Variants in SLC4A10 observed in about 807,000 individuals in gnomAD.
SLC4A10 encodes the protein sodium-driven chloride bicarbonate exchanger.
Under a neutral mutation model 137.7 loss-of-function variants are expected in SLC4A10, and 42 were observed. The ratio of observed to expected loss-of-function variants is 0.30; its 90% CI spans 0.24 to 0.39. SLC4A10 has a LOEUF of 0.39. Ranked by LOEUF, SLC4A10 falls within the 10% of genes least tolerant of loss-of-function variation. SLC4A10 has a pLI of 1.00. For synonymous variants in SLC4A10, 474 were observed against 464.1 expected, an observed-to-expected ratio of 1.02 and a Z score of -0.27; for missense variants, 925 against 1,355.0, an observed-to-expected ratio of 0.68 and a Z score of 4.98.
intron 1 of SLC4A10, among the ~76,000 whole-genome samples, chr2:161,740,629 C>T (rs921279284): frequency 4.6e-5 from 7 of 152,126 alleles, no homozygotes; most frequent in African/African-American, 1.7e-4. Context: ...AAGCTTAGGC[C>T]TAGGCTCCAC....
chr2:161,870,468 A>G (rs1215389888), intron 6 of SLC4A10, among the ~76,000 whole-genome samples: 1 of 151,794 alleles, frequency 6.6e-6, no homozygotes, highest in South Asian at 2.1e-4. Context: ...GAAAGCAGAT[A>G]TGTGTTTATT....
intron 15 of SLC4A10, among the ~76,000 whole-genome samples, chr2:161,933,345 C>T (rs779621664): frequency 3.3e-5 from 4 of 122,006 alleles, no homozygotes; most frequent in Admixed American, 3.2e-4. Flanking sequence ...TCTTTCTATT[C>T]TTTTCTTTCT....
At chr2:161,654,589 G>C (rs1301250908) in intron 1 of SLC4A10, among the ~76,000 whole-genome samples, 9 of 152,022 alleles carry the variant, frequency 5.9e-5, no homozygotes, top group Non-Finnish European at 8.8e-5. Context: ...TCATTCTTTT[G>C]TATGTGAATA....
chr2:161,697,374 C>T (rs973683055), intron 1 of SLC4A10, among the ~76,000 whole-genome samples: 2 of 152,028 alleles, frequency 1.3e-5, no homozygotes, highest in African/African-American at 4.8e-5. Flanking sequence ...ACATGAAGTC[C>T]TTGCCCATGC....
chr2:161,829,769 T>C (rs994783502), intron 3 of SLC4A10, among the ~76,000 whole-genome samples: 1 of 152,076 alleles, frequency 6.6e-6, no homozygotes, highest in Admixed American at 6.6e-5. Context: ...GAAAAAGAGG[T>C]TGAATGGATC....
In SLC4A10 at chr2:161,774,969, A is replaced by C. The variant is rs768443503; in HGVS notation, c.130+3915A>C. Among the ~76,000 whole-genome samples, 53 of 151,880 alleles carry C rather than the reference A, an allele frequency of 3.5e-4. 1 individual carries two copies. Among genetic ancestry groups the C allele is most frequent in the Non-Finnish European group, 5.9e-5 (4 of 67,896 alleles). On this transcript the variant is annotated intron_variant, in intron 2 of 26. Transcript: ENST00000446997. ...AGTTGGCAGGAGCACCACATTGGTT[A>C]TTTAGCTTGTGGAGTTAAGAACTAT...
intron 1 of SLC4A10, among the ~76,000 whole-genome samples, chr2:161,745,639 T>G (rs1043140873): frequency 6.6e-6 from 1 of 152,180 alleles, no homozygotes; most frequent in South Asian, 2.1e-4. Flanking sequence ...TATTGATGTC[T>G]GGGTGTCGAA....
At chr2:161,742,444 T>C (rs1465382665) in intron 1 of SLC4A10, among the ~76,000 whole-genome samples, 6 of 142,686 alleles carry the variant, frequency 4.2e-5, no homozygotes, top group Admixed American at 3.5e-4. Flanking sequence ...TCTTTCTTTT[T>C]TTTTTTTTTT....
At chr2:161,947,091 T>C (rs556550034) in intron 16 of SLC4A10, among the ~76,000 whole-genome samples, 1 of 152,230 alleles carries the variant, frequency 6.6e-6, no homozygotes, top group South Asian at 2.1e-4. Flanking sequence ...AACAAATTAT[T>C]TAACCCCTTT....
chr2:161,967,147 C>T (rs922612176), intron 23 of SLC4A10, among the ~76,000 whole-genome samples: 2 of 152,106 alleles, frequency 1.3e-5, no homozygotes, highest in African/African-American at 4.8e-5. Context: ...TTTGCACATT[C>T]TCCTCATATC....
rs1482932782 is a variant in SLC4A10, at chr2:161,730,272, TATC to T, written c.49-40696_49-40694del. Reference sequence around the variant, plus strand: ...CAGTATTATCTTCAAATATTTAAAATATCATCAAACAGAGGAAGGACTAGAATT... The same window carrying T: ...CAGTATTATCTTCAAATATTTAAAATATCAAACAGAGGAAGGACTAGAATT... On this transcript the variant is annotated intron_variant, in intron 1 of 26. Transcript: ENST00000446997. Among the ~76,000 whole-genome samples the T allele has an allele frequency of 2.6e-5, 4 of 152,110 alleles. No homozygotes were observed. In the East Asian group the frequency reaches 5.8e-4, roughly 22 times the overall value.
intron 1 of SLC4A10, among the ~76,000 whole-genome samples, chr2:161,729,483 T>C (rs1452731478): frequency 6.6e-6 from 1 of 152,152 alleles, no homozygotes; most frequent in East Asian, 1.9e-4. Context: ...TCTATACATG[T>C]GATAAAACTT....
At chr2:161,896,988 T>C (rs1431613729) in intron 11 of SLC4A10, among the ~76,000 whole-genome samples, 4 of 152,078 alleles carry the variant, frequency 2.6e-5, no homozygotes, top group African/African-American at 9.7e-5. Flanking sequence ...TGGCAAGCAT[T>C]AGGAAAATTC....
At chr2:161,736,819 T>C (rs1376121930) in intron 1 of SLC4A10, among the ~76,000 whole-genome samples, 1 of 152,060 alleles carries the variant, frequency 6.6e-6, no homozygotes, top group Non-Finnish European at 1.5e-5. Flanking sequence ...CTCAGTCATC[T>C]CTCTTAAACA....
chr2:161,766,734 GT>G (rs919826891), intron 1 of SLC4A10, among the ~76,000 whole-genome samples: 5 of 147,940 alleles, frequency 3.4e-5, no homozygotes, highest in African/African-American at 5.0e-5. Flanking sequence ...CCCATTTTTA[GT>G]TTTTTTTTTC....
intron 2 of SLC4A10, among the ~76,000 whole-genome samples, chr2:161,780,679 G>A (rs568903308): frequency 2.0e-5 from 3 of 151,764 alleles, no homozygotes; most frequent in African/African-American, 4.8e-5. Context: ...CTTTCATTTC[G>A]ATTTAATCTA....
intron 10 of SLC4A10, among the ~76,000 whole-genome samples, chr2:161,885,537 C>T (rs1165209520): frequency 1.3e-5 from 2 of 152,148 alleles, no homozygotes; most frequent in Non-Finnish European, 2.9e-5. Context: ...ATCTTTAGAA[C>T]ATGAATCAAT....
intron 12 of SLC4A10, 122 bp downstream of exon 12, chr2:161,901,133 G>A: frequency 2.7e-6 from 2 of 731,182 alleles, no homozygotes; most frequent in Non-Finnish European, 4.8e-6. Flanking sequence ...TTTTGAGGGT[G>A]AAAATGCCAA....
chr2:161,708,911 C>A, intron 1 of SLC4A10: 4 of 1,392,862 alleles, frequency 2.9e-6, no homozygotes, highest in African/African-American at 1.5e-5. Flanking sequence ...AAAATATATT[C>A]ATTAATGTAA....
Sources: gnomAD v4.1 joint callset for allele counts (sites outside exome capture counted in the v4.1 genomes callset) on GRCh38, gnomAD v4.1.1 for gene constraint, MANE v1.5 for transcripts, NCBI Gene and HGNC (gene_info 2026-07-23, HGNC 2026-07-21) for gene names.